The following LZTS1 variants were observed in gnomAD, a reference collection of about 807,000 sequenced individuals.
The protein encoded by LZTS1 is leucine zipper putative tumor suppressor 1.
Under a neutral mutation model 45.8 loss-of-function variants are expected in LZTS1, and 31 were observed. That is an observed-to-expected ratio of 0.68 (90% CI 0.51 to 0.91). The LOEUF (loss-of-function observed/expected upper bound fraction) is 0.91, where lower values mean the gene tolerates loss of function less well. Among genes scored for constraint, LZTS1 ranks in the 40% least tolerant of loss-of-function variants. The pLI is 0.00. For synonymous variants in LZTS1, 359 were observed against 357.3 expected, an observed-to-expected ratio of 1.00 and a Z score of -0.05; for missense variants, 821 against 788.9, an observed-to-expected ratio of 1.04 and a Z score of -0.49.
intron 1 of LZTS1, among the ~76,000 whole-genome samples, chr8:20,268,768 GC>G (rs1256911731): frequency 1.3e-5 from 2 of 152,104 alleles, no homozygotes; most frequent in Non-Finnish European, 2.9e-5. Flanking sequence ...GGGGGGAGAG[GC>G]TGCTGGTGGG....
In LZTS1 at chr8:20,266,677, A is replaced by G. The variant is rs1800363582; in HGVS notation, c.-134-11362T>C. ...ATCTGACAGCTATGTACACCTAAAC[A>G]AAAAGGGTTTAAAAAGCAGCATGAA... is the stretch of plus-strand genomic sequence containing the variant. On this transcript the variant is annotated intron_variant, in intron 1 of 3. Transcript: ENST00000381569. 2.6e-5 allele frequency among the ~76,000 whole-genome samples: 4 copies of G among 152,226 alleles called. No homozygotes were observed. The South Asian group carries it at 8.3e-4, about 31-fold the overall frequency.
chr8:20,272,512 C>T (rs1429863710), intron 1 of LZTS1, among the ~76,000 whole-genome samples: 1 of 152,072 alleles, frequency 6.6e-6, no homozygotes, highest in Non-Finnish European at 1.5e-5. Flanking sequence ...GCCCAGATGC[C>T]GATGGGGACC....
In LZTS1 at chr8:20,260,705, G is replaced by T. The variant is rs998155486; in HGVS notation, c.-134-5390C>A. 2.0e-5 allele frequency among the ~76,000 whole-genome samples: 3 copies of T among 152,132 alleles called. No individual in the cohort carries two copies. The South Asian group carries it at 6.2e-4, about 32-fold the overall frequency. ...ACTCAGAAGCTGTGTCATTCACCTG[G>T]GCAGCAGCCCTGTGCTGCATCCTAG... On this transcript the variant is annotated intron_variant, in intron 1 of 3. Transcript: ENST00000381569.
At position 20,255,298 on chromosome 8, in the gene LZTS1, C is replaced by T; in HGVS notation, c.-117G>A. 9 of 1,447,852 alleles carry T rather than the reference C, an allele frequency of 6.2e-6. No homozygotes were observed. The highest frequency in any genetic ancestry group is 1.4e-5 in the African/African-American group (1 of 70,294). 89.7% of individuals were successfully genotyped at this position (1,447,852 alleles called of 1,614,324 possible). ...AGGTCATAGCAAAGCCCTCACAGAG[C>T]CTGCGAGAGCCGTAGACCTGGAAGA... is the stretch of plus-strand genomic sequence containing the variant. On this transcript the variant is annotated 5_prime_UTR_variant, in exon 2 of 4. Coordinates refer to ENST00000381569, the MANE Select transcript of LZTS1 (RefSeq NM_021020.5).
intron 1 of LZTS1, among the ~76,000 whole-genome samples, chr8:20,264,931 G>C (rs928748828): frequency 1.1e-4 from 16 of 152,196 alleles, no homozygotes; most frequent in African/African-American, 3.9e-4. Flanking sequence ...GGCACGTGTG[G>C]AAAGGGGGGA....
At chr8:20,287,181 C>T (rs945893891) in intron 1 of LZTS1, among the ~76,000 whole-genome samples, 4 of 140,256 alleles carry the variant, frequency 2.9e-5, no homozygotes, top group Non-Finnish European at 5.9e-5. Flanking sequence ...GAAAGGTGTT[C>T]GGTGCCGGTC....
intron 1 of LZTS1, among the ~76,000 whole-genome samples, chr8:20,270,438 T>C (rs1285853692): frequency 6.6e-6 from 1 of 152,224 alleles, no homozygotes; most frequent in African/African-American, 2.4e-5. Context: ...CAACAGCAGC[T>C]GAGGGCAGGT....
In LZTS1 at chr8:20,249,700, ACTC is replaced by A; in HGVS notation, c.*19_*21del. 1 of 1,580,558 alleles carries A rather than the reference ACTC, an allele frequency of 6.3e-7. No homozygotes were observed. The highest frequency in any genetic ancestry group is 8.6e-7 in the Non-Finnish European group (1 of 1,166,192). ...CTGCCTCCCAGTGCCAGGTCCCCAGACTCGCCTTCCCAGGCAGCCCCTCAGATC... is the reference window on the plus strand; with the variant it reads ...CTGCCTCCCAGTGCCAGGTCCCCAGAGCCTTCCCAGGCAGCCCCTCAGATC... On this transcript the variant is annotated 3_prime_UTR_variant, in exon 4 of 4. Coordinates refer to ENST00000381569, the MANE Select transcript of LZTS1 (RefSeq NM_021020.5).
intron 1 of LZTS1, among the ~76,000 whole-genome samples, chr8:20,263,844 A>G (rs971061743): frequency 1.3e-5 from 2 of 152,186 alleles, no homozygotes; most frequent in Admixed American, 6.5e-5. Context: ...CGGACACCCC[A>G]CAGGGCAGCT....
At chr8:20,291,016 C>T (rs1265367049) in intron 1 of LZTS1, among the ~76,000 whole-genome samples, 1 of 152,228 alleles carries the variant, frequency 6.6e-6, no homozygotes, top group Non-Finnish European at 1.5e-5. Context: ...CTCCTCCACT[C>T]CTGCACCACA....
At chr8:20,286,819 C>T (rs1800800416) in intron 1 of LZTS1, among the ~76,000 whole-genome samples, 1 of 152,204 alleles carries the variant, frequency 6.6e-6, no homozygotes, top group East Asian at 1.9e-4. Flanking sequence ...GACAGCACTG[C>T]TGCTACAATC....
Position 20,253,334 on chromosome 8 carries a change from G to A in LZTS1, c.597C>T (p.Pro199=), listed in dbSNP as rs1276394439. 4.3e-6 allele frequency: 7 copies of A among 1,613,616 alleles called. No homozygotes were observed. The highest frequency in any genetic ancestry group is 2.2e-5 in the East Asian group (1 of 44,892). ...SSYQLDPLVT[P]VGPTSRFGGS... ...CCCCAAAACGGCTTGTGGGTCCCAC[G>A]GGTGTGACCAGCGGGTCCAGCTGGT... Residue 199 remains proline, a synonymous_variant, in exon 3 of 4, where the codon CCC becomes CCT. Transcript: ENST00000381569.
At chr8:20,279,561 G>A (rs934984441) in intron 1 of LZTS1, among the ~76,000 whole-genome samples, 4 of 151,882 alleles carry the variant, frequency 2.6e-5, no homozygotes, top group Non-Finnish European at 4.4e-5. Context: ...AATTAGCTGG[G>A]CGTGGTGCCA....
chr8:20,281,876 A>C (rs781635441), intron 1 of LZTS1, among the ~76,000 whole-genome samples: 1 of 152,206 alleles, frequency 6.6e-6, no homozygotes, highest in Non-Finnish European at 1.5e-5. Flanking sequence ...AGCAATGAAA[A>C]AATAAATGGA....
intron 1 of LZTS1, among the ~76,000 whole-genome samples, chr8:20,279,681 CAA>C (rs34501896): frequency 2.3e-4 from 16 of 70,944 alleles, no homozygotes; most frequent in Non-Finnish European, 3.5e-4. Flanking sequence ...GACCCTGTCT[CAA>C]AAAAAAAAAA....
chr8:20,249,368 G>A lies in LZTS1; in HGVS notation c.*354C>T, dbSNP rs1353978188. 8.5e-6 allele frequency: 2 copies of A among 235,172 alleles called. No homozygotes were observed. Among genetic ancestry groups the A allele is most frequent in the African/African-American group, 2.2e-5 (1 of 44,560 alleles). The allele number at this position is 235,172 out of a possible 1,614,324, so 14.6% of individuals were successfully genotyped here. ...AAGAGGTTGGGATGAGAAGCAGAGG[G>A]GAGCCGCTGTACTTGCTGTGGCCAC... On this transcript the variant is annotated 3_prime_UTR_variant, in exon 4 of 4. Coordinates refer to ENST00000381569, the MANE Select transcript of LZTS1 (RefSeq NM_021020.5).
rs1316468249 is a variant in LZTS1 at position 20,248,865 on chromosome 8, G to A, written c.*857C>T. ...TGGACAGATGGGGAGGCTCCCTGAG[G>A]GTGCCTGGAAAGCCACACCCTCTGG... On this transcript the variant is annotated 3_prime_UTR_variant, in exon 4 of 4. Transcript: ENST00000381569. 1 of 152,538 alleles carries A rather than the reference G, an allele frequency of 6.6e-6. No homozygotes were observed. The highest frequency in any genetic ancestry group is 1.5e-5 in the Non-Finnish European group (1 of 68,070). 9.4% of individuals were successfully genotyped at this position (152,538 alleles called of 1,614,324 possible).
chr8:20,297,286 G>C (rs756952236), intron 1 of LZTS1, among the ~76,000 whole-genome samples: 5 of 152,204 alleles, frequency 3.3e-5, no homozygotes, highest in Non-Finnish European at 7.3e-5. Context: ...TCAACATGGA[G>C]TGGACTAAAC....
At chr8:20,279,908 G>T (rs1409753144) in intron 1 of LZTS1, among the ~76,000 whole-genome samples, 1 of 150,832 alleles carries the variant, frequency 6.6e-6, no homozygotes, top group Non-Finnish European at 1.5e-5. Flanking sequence ...GATCACCTGA[G>T]CCCAGGAGGT....
Sources: allele counts gnomAD v4.1 joint callset (sites outside exome capture counted in the v4.1 genomes callset), GRCh38; gene constraint gnomAD v4.1.1; transcripts MANE v1.5; gene names NCBI Gene and HGNC (gene_info 2026-07-23, HGNC 2026-07-21).